DLGAP1: variants seen among roughly 807,000 people sequenced by gnomAD.
DLGAP1 encodes the protein DLG associated protein 1.
DLGAP1 carries 11 observed loss-of-function variants against 90.8 expected under a neutral mutation model. That is an observed-to-expected ratio of 0.12 (90% CI 0.08 to 0.20). The LOEUF (loss-of-function observed/expected upper bound fraction) is 0.20. Ranked by LOEUF, DLGAP1 falls within the 10% of genes least tolerant of loss-of-function variation. The pLI is 1.00. For synonymous variants in DLGAP1, 558 were observed against 540.7 expected, an observed-to-expected ratio of 1.03 and a Z score of -0.44; for missense variants, 1,050 against 1,333.8, an observed-to-expected ratio of 0.79 and a Z score of 3.31.
At position 3,879,256 on chromosome 18, in the gene DLGAP1, G is replaced by T; in HGVS notation, c.813C>A (p.Thr271=). 1 of 1,599,332 alleles carries T rather than the reference G, an allele frequency of 6.3e-7. No individual in the cohort carries two copies. The highest frequency in any genetic ancestry group is 8.5e-7 in the Non-Finnish European group (1 of 1,172,502). ...ACCAGGCGCTCTTCTTCAGCAGCGG[G>T]GTGTCCAGGCTGACCGGCAGGTTGG... ...TCANLPVSLD[T]PLLKKSAWSS... is the part of the protein sequence containing the mutation. Residue 271 remains threonine (T), a synonymous_variant, in exon 4 of 13, where the codon ACC becomes ACA. Transcript: ENST00000315677. The surrounding 1 kb of genome is among the most constrained non-coding windows in gnomAD (Gnocchi z 6.6).
chr18:3,662,936 A>C (rs2059737436), intron 7 of DLGAP1, among the ~76,000 whole-genome samples: 1 of 152,212 alleles, frequency 6.6e-6, no homozygotes, highest in Non-Finnish European at 1.5e-5. Context: ...CAACAGCATC[A>C]AATGGGCCCC....
intron 1 of DLGAP1, among the ~76,000 whole-genome samples, chr18:4,367,931 C>CAAAATTTGATGAATCTTGATGAATCA (rs144869180): frequency 4.6e-5 from 7 of 152,004 alleles, no homozygotes; most frequent in Non-Finnish European, 4.4e-5. Flanking sequence ...CAACAATTTT[C>CAAAATTTGATGAATCTTGATGAATCA]AAAATTTGAT....
intron 2 of DLGAP1, among the ~76,000 whole-genome samples, chr18:4,092,653 C>T (rs1282497784): frequency 1.3e-5 from 2 of 152,236 alleles, no homozygotes; most frequent in African/African-American, 4.8e-5. Context: ...CCTTCTCTAT[C>T]GGCTTAAGGC....
intron 10 of DLGAP1, among the ~76,000 whole-genome samples, chr18:3,530,871 C>T (rs951538807): frequency 1.3e-5 from 2 of 152,226 alleles, no homozygotes; most frequent in South Asian, 2.1e-4. Context: ...TACAGAAACC[C>T]GTTAATGAAT....
At chr18:3,648,367 CT>C (rs1336993787) in intron 7 of DLGAP1, among the ~76,000 whole-genome samples, 2 of 152,196 alleles carry the variant, frequency 1.3e-5, no homozygotes, top group African/African-American at 2.4e-5. Flanking sequence ...TGTAAAGCAT[CT>C]TAGTTGAATA....
intron 2 of DLGAP1, among the ~76,000 whole-genome samples, chr18:4,017,850 C>T (rs1245653285): frequency 2.0e-5 from 3 of 151,634 alleles, no homozygotes; most frequent in Non-Finnish European, 4.4e-5. Flanking sequence ...GCCTAATGTG[C>T]TATACTTTTT....
intron 1 of DLGAP1, among the ~76,000 whole-genome samples, chr18:4,304,355 G>A (rs2080198647): frequency 6.6e-6 from 1 of 152,170 alleles, no homozygotes; most frequent in African/African-American, 2.4e-5. Context: ...TACCTTGGGT[G>A]GGGAACCCTC....
chr18:4,304,512 G>T (rs901062520), intron 1 of DLGAP1, among the ~76,000 whole-genome samples: 2 of 152,222 alleles, frequency 1.3e-5, no homozygotes, highest in African/African-American at 4.8e-5. Context: ...ATTTTGGAAA[G>T]ATATAATTAG....
intron 1 of DLGAP1, among the ~76,000 whole-genome samples, chr18:4,299,085 CAAAAAAAAAA>C (rs35327176): frequency 6.5e-5 from 5 of 76,336 alleles, no homozygotes; most frequent in East Asian, 4.4e-4. Context: ...TGTCTCAAGA[CAAAAAAAAAA>C]AAAAAAAAAA....
chr18:3,831,776 C>T (rs2068047309), intron 4 of DLGAP1, among the ~76,000 whole-genome samples: 2 of 152,224 alleles, frequency 1.3e-5, no homozygotes, highest in African/African-American at 2.4e-5. Context: ...CTGAACTCTT[C>T]ATGAATACCT....
intron 1 of DLGAP1, among the ~76,000 whole-genome samples, chr18:4,344,040 G>C (rs1413204995): frequency 6.6e-6 from 1 of 152,184 alleles, no homozygotes; most frequent in Non-Finnish European, 1.5e-5. Context: ...CTGAGATTTT[G>C]AATGTATGAA....
intron 2 of DLGAP1, among the ~76,000 whole-genome samples, chr18:4,086,001 G>A (rs879534098): frequency 1.3e-5 from 2 of 152,068 alleles, no homozygotes; most frequent in Admixed American, 1.3e-4. Flanking sequence ...ACCTAAACTG[G>A]GCAGAAACAG....
At position 3,775,989 on chromosome 18, in the gene DLGAP1, T is replaced by C. The variant is rs903049612; in HGVS notation, c.1173-33477A>G. On this transcript the variant is annotated intron_variant, in intron 5 of 12. Transcript: ENST00000315677. The surrounding 1 kb of genome is among the most constrained non-coding windows in gnomAD (Gnocchi z 4.9). ...CCTTGGAATTCAGAACGAATGCCCA[T>C]GTCACTGTACATTCTGCCAAGACAC... Among the ~76,000 whole-genome samples, 2 of 148,762 alleles carry C rather than the reference T, an allele frequency of 1.3e-5. No homozygotes were observed. Among genetic ancestry groups the C allele is most frequent in the African/African-American group, 4.9e-5 (2 of 40,456 alleles).
At chr18:4,253,501 C>T (rs556968268) in intron 1 of DLGAP1, among the ~76,000 whole-genome samples, 56 of 152,266 alleles carry the variant, frequency 3.7e-4, no homozygotes, top group Middle Eastern at 3.4e-3. Flanking sequence ...ACCTTCACTT[C>T]CTAGGTTCAA....
rs181535448 is a variant in DLGAP1, at chr18:4,057,418, G to A, written c.-158-52217C>T. 3.9e-4 allele frequency among the ~76,000 whole-genome samples: 59 copies of A among 152,316 alleles called. 2 individuals are homozygous for A. The highest frequency in any genetic ancestry group is 3.7e-3 in the Admixed American group (57 of 15,300). On this transcript the variant is annotated intron_variant, in intron 2 of 12. Transcript: ENST00000315677. The stretch of plus-strand genomic sequence containing the variant: ...TACAACTCCAGTAAACACACTGTGT[G>A]TGCAGCCCCTCCCAAGTGCTGGAAG...
At chr18:4,140,745 C>T (rs1466898609) in intron 2 of DLGAP1, among the ~76,000 whole-genome samples, 1 of 151,854 alleles carries the variant, frequency 6.6e-6, no homozygotes, top group Non-Finnish European at 1.5e-5. Context: ...AATCCTTTGT[C>T]TTCTGTTGTT....
At chr18:4,114,856 G>A (rs1212156820) in intron 2 of DLGAP1, among the ~76,000 whole-genome samples, 8 of 152,070 alleles carry the variant, frequency 5.3e-5, no homozygotes, top group Non-Finnish European at 4.4e-5. Context: ...AATGTAAAAT[G>A]TGTCCTGTAG....
intron 4 of DLGAP1, among the ~76,000 whole-genome samples, chr18:3,848,827 T>C (rs1377429053): frequency 1.3e-5 from 2 of 152,186 alleles, no homozygotes; most frequent in Non-Finnish European, 2.9e-5. Flanking sequence ...TCTAACCGAT[T>C]CTCCTCTTCC....
intron 9 of DLGAP1, among the ~76,000 whole-genome samples, chr18:3,547,563 A>C (rs2053131006): frequency 6.7e-6 from 1 of 148,920 alleles, no homozygotes; most frequent in African/African-American, 2.5e-5. Context: ...CACCACAATG[A>C]CATGCCACTT....
Sources: gnomAD v4.1 joint callset for allele counts (sites outside exome capture counted in the v4.1 genomes callset) on GRCh38, gnomAD v4.1.1 for gene constraint, Gnocchi (gnomAD v3.1) non-coding constraint, MANE v1.5 for transcripts, NCBI Gene and HGNC (gene_info 2026-07-23, HGNC 2026-07-21) for gene names.